The following FAM53A variants were observed in gnomAD, a reference collection of about 807,000 sequenced individuals.
FAM53A encodes protein FAM53A.
In FAM53A, 28 loss-of-function variants were observed where a neutral mutation model predicts 26.6. The ratio of observed to expected loss-of-function variants is 1.05; its 90% CI spans 0.78 to 1.45. The LOEUF (loss-of-function observed/expected upper bound fraction) is 1.45, where lower values mean the gene tolerates loss of function less well. Among genes scored for constraint, FAM53A ranks in the 40% most tolerant of loss-of-function variants. The pLI, the probability that FAM53A is intolerant of heterozygous loss-of-function variation, is 0.00. For synonymous variants in FAM53A, 290 were observed against 253.1 expected (o/e 1.15, Z -1.38); for missense variants, 650 against 575.8 (o/e 1.13, Z -1.32).
intron 1 of FAM53A, among the ~76,000 whole-genome samples, chr4:1,626,992 AGACT>A (rs1280841173): frequency 1.3e-5 from 2 of 152,196 alleles, no homozygotes; most frequent in African/African-American, 2.4e-5. Context: ...GGGACAGGAC[AGACT>A]AAGGCTTGGC....
At chr4:1,577,904 G>C in the FAM53A span, among the ~76,000 whole-genome samples, 1 of 152,054 alleles carries the variant, frequency 6.6e-6, no homozygotes, top group African/African-American at 2.4e-5. Context: ...CAGGGCTGCG[G>C]GTCGGGGGCT....
At chr4:1,661,455 C>G (rs1307487837) in intron 2 of FAM53A, among the ~76,000 whole-genome samples, 1 of 152,242 alleles carries the variant, frequency 6.6e-6, no homozygotes, top group African/African-American at 2.4e-5. Flanking sequence ...TAACCCAGCA[C>G]AGCCAGTGCA....
intron 4 of FAM53A, among the ~76,000 whole-genome samples, chr4:1,645,850 T>TC (rs1333898265): frequency 2.0e-5 from 3 of 152,224 alleles, no homozygotes; most frequent in Admixed American, 6.5e-5. Context: ...TTCTTGATGG[T>TC]CCCTGCTACA....
At chr4:1,635,993 G>A (rs557469935), downstream of FAM53A, among the ~76,000 whole-genome samples, 4 of 151,778 alleles carry the variant, frequency 2.6e-5, no homozygotes, top group Admixed American at 6.6e-5. Context: ...ACAGGCACCC[G>A]CCACCACGCC....
intron 4 of FAM53A, among the ~76,000 whole-genome samples, chr4:1,646,230 A>G (rs1712231604): frequency 1.3e-5 from 2 of 151,900 alleles, no homozygotes. Context: ...CCTCCCAAGT[A>G]GCTGGGAATA....
At chr4:1,680,291 C>T (rs1341761503) in intron 1 of FAM53A, among the ~76,000 whole-genome samples, 2 of 123,808 alleles carry the variant, frequency 1.6e-5, no homozygotes, top group Non-Finnish European at 1.6e-5. Flanking sequence ...TGCACTCCAG[C>T]CTGGGCAACG....
At position 1,668,742 on chromosome 4, in the gene FAM53A, G is replaced by A. The variant is rs1483813678; in HGVS notation, c.-1C>T. The A allele has an allele frequency of 3.7e-6, 6 of 1,614,184 alleles. No individual in the cohort carries two copies. The highest frequency in any genetic ancestry group is 3.4e-6 in the Non-Finnish European group (4 of 1,180,028). ...GCTTCTCAGTGATGAGTGTGACCAT[G>A]GTCGGGGCCCCGTGTCCTCCGTCCA... On this transcript the variant is annotated 5_prime_UTR_variant, in exon 2 of 5. Coordinates refer to ENST00000308132, the MANE Select transcript of FAM53A (RefSeq NM_001174070.3).
the FAM53A span, chr4:1,580,229 G>A: frequency 2.0e-5 from 3 of 152,180 alleles, no homozygotes; most frequent in Non-Finnish European, 4.4e-5. Context: ...TGGAGTGCGA[G>A]CCGGGAGCTG....
At chr4:1,644,818 C>T (rs1712090130) in intron 4 of FAM53A, 1 of 155,526 alleles carries the variant, frequency 6.4e-6, no homozygotes, top group Non-Finnish European at 1.4e-5. Flanking sequence ...GGTGGGTTAA[C>T]TCAGCTACCG....
chr4:1,647,162 C>G (rs936077990), intron 4 of FAM53A, among the ~76,000 whole-genome samples: 1 of 150,018 alleles, frequency 6.7e-6, no homozygotes, highest in African/African-American at 2.5e-5. Context: ...TAGTGAAACC[C>G]CCTCTCTACT....
chr4:1,625,351 G>C (rs112008644), intron 1 of FAM53A, among the ~76,000 whole-genome samples: 8 of 30,052 alleles, frequency 2.7e-4, no homozygotes, highest in East Asian at 1.6e-3. Flanking sequence ...TGATCAGAAG[G>C]CCCCACGTCC....
Position 1,655,496 on chromosome 4 carries a change from G to A in FAM53A, c.364C>T (p.Arg122Trp), listed in dbSNP as rs369257679. ...STAPPTKRHC[R>W]SLSEPEELVR... Reference sequence around the variant, plus strand: ...AGCTCCTCGGGTTCTGACAAGGACCGGCAATGCCGCTTGGTCGGTGGGGCC... The same window carrying A: ...AGCTCCTCGGGTTCTGACAAGGACCAGCAATGCCGCTTGGTCGGTGGGGCC... Residue 122 changes from arginine (R) to tryptophan (W), a missense_variant, in exon 4 of 5, where the codon CGG becomes TGG. Physicochemically the swap from Arg to Trp is moderately radical, Grantham distance 101. Coordinates refer to ENST00000308132, the MANE Select transcript of FAM53A (RefSeq NM_001174070.3). 28 of 1,574,384 alleles carry A rather than the reference G, an allele frequency of 1.8e-5. No individual in the cohort carries two copies. The highest frequency in any genetic ancestry group is 3.7e-5 in the Admixed American group (2 of 54,398).
chr4:1,644,751 G>A (rs1339857323), intron 4 of FAM53A: 1 of 163,392 alleles, frequency 6.1e-6, no homozygotes, highest in East Asian at 1.6e-4. Context: ...AAGCCCTCCA[G>A]GCAGTCTGGG....
Position 1,655,455 on chromosome 4 carries a change from G to C in FAM53A, c.405C>G (p.Ser135=). 6.5e-7 allele frequency: 1 copy of C among 1,546,394 alleles called. No homozygotes were observed. Among genetic ancestry groups the C allele is most frequent in the Non-Finnish European group, 8.7e-7 (1 of 1,145,166 alleles). The part of the protein sequence containing the change: ...SEPEELVRCR[S]PWRPGSSKVW... Reference sequence around the variant, plus strand: ...CCTTGGAGCTGCCGGGGCGCCAGGGGGACCGGCAGCGCACAAGCTCCTCGG... The same window carrying C: ...CCTTGGAGCTGCCGGGGCGCCAGGGCGACCGGCAGCGCACAAGCTCCTCGG... Residue 135 remains serine, a synonymous_variant, in exon 4 of 5, where the codon TCC becomes TCG. Transcript: ENST00000308132.
At chr4:1,612,860 C>T in the FAM53A span, among the ~76,000 whole-genome samples, 14 of 152,340 alleles carry the variant, frequency 9.2e-5, no homozygotes, top group African/African-American at 1.4e-4. Context: ...TACACTCAAA[C>T]GCATACTGAC....
the FAM53A span, among the ~76,000 whole-genome samples, chr4:1,593,541 T>G: frequency 6.6e-6 from 1 of 152,222 alleles, no homozygotes; most frequent in South Asian, 2.1e-4. Context: ...GTCCCCTCTT[T>G]AAGGGACTTA....
chr4:1,587,589 T>C, the FAM53A span, among the ~76,000 whole-genome samples: 2 of 152,212 alleles, frequency 1.3e-5, no homozygotes, highest in South Asian at 2.1e-4. Context: ...GGAGAATCGC[T>C]TGAACCCAGG....
At chr4:1,604,150 G>T in the FAM53A span, among the ~76,000 whole-genome samples, 4 of 152,232 alleles carry the variant, frequency 2.6e-5, no homozygotes, top group Non-Finnish European at 4.4e-5. Context: ...CCGAGGAAAG[G>T]TTCTGCCCCC....
chr4:1,620,375 T>C (rs1004763329), intron 1 of FAM53A, among the ~76,000 whole-genome samples: 1 of 152,064 alleles, frequency 6.6e-6, no homozygotes. Context: ...CTTCTCACTT[T>C]GTCTTGGAGC....
Sources: allele counts gnomAD v4.1 joint callset (sites outside exome capture counted in the v4.1 genomes callset), GRCh38; gene constraint gnomAD v4.1.1; transcripts MANE v1.5; gene names NCBI Gene and HGNC (gene_info 2026-07-23, HGNC 2026-07-21).